POLR1B: variants seen among roughly 807,000 people sequenced by gnomAD.
POLR1B encodes the protein RNA polymerase I subunit B, also known as DNA-directed RNA polymerase I subunit RPA2.
In POLR1B, 30 loss-of-function variants were observed where a neutral mutation model predicts 105.8. The ratio of observed to expected loss-of-function variants is 0.28; its 90% CI spans 0.21 to 0.38. The LOEUF (loss-of-function observed/expected upper bound fraction) is 0.38. POLR1B is among the 10% of genes least tolerant of loss of function. The pLI is 1.00. For synonymous variants in POLR1B, 485 were observed against 505.1 expected (o/e 0.96, Z 0.53); for missense variants, 976 against 1,435.8 (o/e 0.68, Z 5.17).
At chr2:112,564,948 G>C (rs1558662353) in intron 10 of POLR1B, among the ~76,000 whole-genome samples, 6 of 152,214 alleles carry the variant, frequency 3.9e-5, no homozygotes, top group Admixed American at 2.6e-4. Context: ...TCCTCCTAGT[G>C]AAGAGTATTT....
At chr2:112,550,841 A>AT (rs781027998) in intron 4 of POLR1B, 25 bp from the exon 5 acceptor site, 8 of 1,609,836 alleles carry the variant, frequency 5.0e-6, no homozygotes, top group African/African-American at 4.0e-5. Context: ...TGAGTTTCTG[A>AT]TTTTTTTGTT....
At chr2:112,547,624 A>C in intron 3 of POLR1B, 57 bp downstream of exon 3, 1 of 1,552,506 alleles carries the variant, frequency 6.4e-7, no homozygotes, top group South Asian at 1.2e-5. Context: ...GGGAGTAAGA[A>C]GACAAGAAGT....
intron 12 of POLR1B, among the ~76,000 whole-genome samples, chr2:112,569,717 A>C (rs1290393001): frequency 6.6e-6 from 1 of 151,632 alleles, no homozygotes; most frequent in Non-Finnish European, 1.5e-5. Context: ...TCACCACCAC[A>C]CCCAGCTAAT....
intron 11 of POLR1B, 113 bp downstream of exon 11, chr2:112,568,250 G>T: frequency 9.1e-7 from 1 of 1,103,622 alleles, no homozygotes; most frequent in East Asian, 2.5e-5. Context: ...AACAACAGTT[G>T]GACATTTGAA....
chr2:112,550,241 A>ACACC (rs528411199), intron 4 of POLR1B, among the ~76,000 whole-genome samples: 28 of 152,354 alleles, frequency 1.8e-4, no homozygotes, highest in African/African-American at 6.0e-4. Context: ...CCACTGTGGT[A>ACACC]CACCCCTCAG....
At chr2:112,560,693 T>A (rs1460273296) in intron 9 of POLR1B, among the ~76,000 whole-genome samples, 1 of 152,120 alleles carries the variant, frequency 6.6e-6, no homozygotes, top group African/African-American at 2.4e-5. Context: ...GGGGATCAGA[T>A]GATAAGTGTT....
chr2:112,566,463 T>C (rs1684278003), intron 10 of POLR1B, among the ~76,000 whole-genome samples: 1 of 152,218 alleles, frequency 6.6e-6, no homozygotes, highest in Admixed American at 6.5e-5. Context: ...CCCACCAGCA[T>C]TTTTTCTATG....
At chr2:112,562,510 G>A (rs758219180) in intron 9 of POLR1B, among the ~76,000 whole-genome samples, 38 of 151,938 alleles carry the variant, frequency 2.5e-4, no homozygotes, top group African/African-American at 7.3e-4. Flanking sequence ...TGAATTTCTC[G>A]GTTTCCCACA....
chr2:112,547,332 ATCT>A, intron 2 of POLR1B, 86 bp from the exon 3 acceptor site: 3 of 1,499,284 alleles, frequency 2.0e-6, no homozygotes, highest in East Asian at 2.3e-5. Context: ...AATTTAATTG[ATCT>A]TCTTCCTCAG....
At chr2:112,573,379 A>G (rs1558666418) in intron 13 of POLR1B, among the ~76,000 whole-genome samples, 183 bp from the exon 14 acceptor site, 1 of 152,254 alleles carries the variant, frequency 6.6e-6, no homozygotes, top group Non-Finnish European at 1.5e-5. Flanking sequence ...CTGGAATTAC[A>G]GGCGTGAGCC....
chr2:112,564,406 T>G lies in POLR1B; in HGVS notation c.1653T>G (p.Ser551Arg). The change falls in exon 10 of 15, where the codon AGT becomes AGG. Residue 551 changes from serine to arginine, a missense_variant. Physicochemically the swap from Ser to Arg is moderately radical, Grantham distance 110. This residue lies in a region of POLR1B where 184 missense variants were observed against 197.4 expected (regional missense o/e 0.93). Coordinates refer to ENST00000263331, the MANE Select transcript of POLR1B (RefSeq NM_019014.6). ...PIDGAPHRSYSECYPVLLDGV... is the reference protein window; with the variant it reads ...PIDGAPHRSYRECYPVLLDGV... ...ATGGAGCTCCCCACCGATCATACAG[T>G]GAGTGCTACCCTGTCCTGCTGGACG... 1 of 1,614,192 alleles carries G rather than the reference T, an allele frequency of 6.2e-7. No individual in the cohort carries two copies. Among genetic ancestry groups the G allele is most frequent in the East Asian group, 2.2e-5 (1 of 44,890 alleles).
chr2:112,564,789 T>C (rs556099735), intron 10 of POLR1B, among the ~76,000 whole-genome samples: 171 of 152,334 alleles, frequency 1.1e-3, no homozygotes, highest in African/African-American at 3.6e-3. Context: ...TTCTTAATAC[T>C]AGTGGCATAG....
intron 3 of POLR1B, among the ~76,000 whole-genome samples, chr2:112,548,972 A>C (rs1683216143): frequency 1.3e-5 from 2 of 152,124 alleles, no homozygotes; most frequent in Non-Finnish European, 2.9e-5. Context: ...TTGAAGACTG[A>C]AGTCATTTTA....
At chr2:112,563,334 C>T (rs529515379) in intron 9 of POLR1B, among the ~76,000 whole-genome samples, 58 of 152,154 alleles carry the variant, frequency 3.8e-4, no homozygotes, top group African/African-American at 1.3e-3. Flanking sequence ...GGATTACAGG[C>T]GTGAGCCACC....
intron 7 of POLR1B, among the ~76,000 whole-genome samples, chr2:112,555,995 T>C (rs1428764708): frequency 6.6e-6 from 1 of 152,178 alleles, no homozygotes; most frequent in Non-Finnish European, 1.5e-5. Context: ...TGGTTTTGAT[T>C]TTAAACCCAA....
At chr2:112,574,815 A>G (rs771818906) in intron 14 of POLR1B, 32 bp from the exon 15 acceptor site, 2 of 1,548,028 alleles carry the variant, frequency 1.3e-6, no homozygotes, top group South Asian at 1.2e-5. Flanking sequence ...TAAAACAAAT[A>G]GGTTGACCTT....
In POLR1B at chr2:112,551,761, A is replaced by G. The variant is rs770450875; in HGVS notation, c.763-14A>G. 1.3e-6 allele frequency: 2 copies of G among 1,593,062 alleles called. No individual in the cohort carries two copies. Among genetic ancestry groups the G allele is most frequent in the East Asian group, 2.2e-5 (1 of 44,740 alleles). On this transcript the variant is annotated splice_polypyrimidine_tract_variant and intron_variant, in intron 5 of 14. Transcript: ENST00000263331. ...TTATTAGTGAGCAATTAAACCTTTT[A>G]TTTTCTATTCTAGGCACTTGTCAGC... is the stretch of plus-strand genomic sequence containing the variant.
chr2:112,542,928 GC>G, intron 1 of POLR1B: 1 of 582,930 alleles, frequency 1.7e-6, no homozygotes, highest in Non-Finnish European at 3.0e-6. Context: ...GTTTCGGGGT[GC>G]TGTGAGAGTG....
In POLR1B at chr2:112,577,593, TA is replaced by T. The variant is rs1428674798; in HGVS notation, c.*1866del. Among the ~76,000 whole-genome samples the T allele has an allele frequency of 2.6e-5, 4 of 151,832 alleles. No homozygotes were observed. The East Asian group carries it at 7.8e-4, about 29-fold the overall frequency. ...GGCTGGGTGTGGTGGCTCACACCCA[TA>T]ATCCCAACACTTTGGCTCAGCAGAT... On this transcript the variant is annotated 3_prime_UTR_variant, in exon 15 of 15. Coordinates refer to ENST00000263331, the MANE Select transcript of POLR1B (RefSeq NM_019014.6).
Sources: allele counts gnomAD v4.1 joint callset (sites outside exome capture counted in the v4.1 genomes callset), GRCh38; gene constraint gnomAD v4.1.1; regional missense constraint gnomAD v4.1.1; transcripts MANE v1.5; gene names NCBI Gene and HGNC (gene_info 2026-07-23, HGNC 2026-07-21).